The following C1orf87 variants were observed in gnomAD, a reference collection of about 807,000 sequenced individuals.
C1orf87 encodes chromosome 1 open reading frame 87.
In C1orf87, 58 loss-of-function variants were observed where a neutral mutation model predicts 60.5. That is an observed-to-expected ratio of 0.96 (90% CI 0.78 to 1.19). The LOEUF is 1.19. Among genes scored for constraint, C1orf87 ranks in the 50% most tolerant of loss-of-function variants. The pLI, the probability that C1orf87 is intolerant of heterozygous loss-of-function variation, is 0.00. For missense variants in C1orf87, 673 were observed against 638.6 expected, an observed-to-expected ratio of 1.05 and a Z score of -0.58; for synonymous variants, 236 against 227.4, an observed-to-expected ratio of 1.04 and a Z score of -0.34.
At chr1:60,059,863 T>A (rs1489264666) in intron 2 of C1orf87, among the ~76,000 whole-genome samples, 1 of 152,172 alleles carries the variant, frequency 6.6e-6, no homozygotes, top group Non-Finnish European at 1.5e-5. Flanking sequence ...TGAATGGGGA[T>A]CTAATTTCAG....
chr1:60,001,093 CT>C lies in C1orf87; in HGVS notation c.1255del (p.Ser419AlafsTer6). On this transcript the variant is annotated frameshift_variant, in exon 10 of 12. Transcript: ENST00000371201. LOFTEE classifies it high-confidence loss of function. ...MEPEVPEMSQ[S>X]KTEHMKTPEE... ...GGTGCATACCATATGTTCAGTTTTGCTTTGAGACATCTCGGGGACTTCAGGC... is the reference window on the plus strand; with the variant it reads ...GGTGCATACCATATGTTCAGTTTTGCTTGAGACATCTCGGGGACTTCAGGC... The C allele has an allele frequency of 6.2e-7, 1 of 1,608,930 alleles. No homozygotes were observed. The highest frequency in any genetic ancestry group is 1.7e-4 in the Middle Eastern group (1 of 6,016).
At chr1:59,994,687 C>T (rs745737456) in intron 11 of C1orf87, among the ~76,000 whole-genome samples, 8 of 152,074 alleles carry the variant, frequency 5.3e-5, no homozygotes, top group Non-Finnish European at 1.0e-4. Flanking sequence ...CCCTTCTCCT[C>T]AAGGCTATTT....
chr1:60,001,187 G>A, intron 9 of C1orf87, 31 bp from the exon 10 acceptor site: 1 of 1,459,224 alleles, frequency 6.9e-7, no homozygotes. Flanking sequence ...AAAAAGGAAG[G>A]GTTTAGCTTG....
intron 9 of C1orf87, among the ~76,000 whole-genome samples, chr1:60,008,141 G>A (rs1645058978): frequency 6.6e-6 from 1 of 152,006 alleles, no homozygotes; most frequent in Admixed American, 6.6e-5. Context: ...CAATGCAACA[G>A]CAACACTACC....
chr1:60,072,961 T>A (rs1477200097), intron 1 of C1orf87, among the ~76,000 whole-genome samples: 1 of 152,334 alleles, frequency 6.6e-6, no homozygotes, highest in Admixed American at 6.5e-5. Context: ...GTACAGCAGA[T>A]CTACTGAATC....
At chr1:60,062,550 T>G (rs560509149) in intron 2 of C1orf87, among the ~76,000 whole-genome samples, 2 of 152,200 alleles carry the variant, frequency 1.3e-5, no homozygotes, top group Non-Finnish European at 2.9e-5. Flanking sequence ...AAATAATGTC[T>G]CATTACTGTT....
chr1:60,035,208 C>A (rs1355659187), intron 6 of C1orf87, among the ~76,000 whole-genome samples: 1 of 152,188 alleles, frequency 6.6e-6, no homozygotes, highest in Non-Finnish European at 1.5e-5. Context: ...CAAACACTGT[C>A]AATCAGACAT....
At chr1:60,023,173 TA>T (rs1645175453) in intron 8 of C1orf87, among the ~76,000 whole-genome samples, 1 of 152,200 alleles carries the variant, frequency 6.6e-6, no homozygotes, top group Admixed American at 6.5e-5. Flanking sequence ...TTGCATGGTT[TA>T]TTTCAAATTT....
intron 9 of C1orf87, among the ~76,000 whole-genome samples, chr1:60,006,733 T>C (rs1371351920): frequency 6.6e-6 from 1 of 152,094 alleles, no homozygotes; most frequent in Non-Finnish European, 1.5e-5. Flanking sequence ...AAGCTCTTTT[T>C]ATATGTGTCT....
chr1:59,992,747 T>C (rs1008385009), intron 11 of C1orf87, among the ~76,000 whole-genome samples: 49 of 152,220 alleles, frequency 3.2e-4, no homozygotes, highest in Non-Finnish European at 4.4e-5. Context: ...AGTACTATTG[T>C]GCATGGTGCC....
intron 11 of C1orf87, among the ~76,000 whole-genome samples, chr1:59,996,798 A>T (rs1346268796): frequency 6.6e-6 from 1 of 152,142 alleles, no homozygotes; most frequent in Non-Finnish European, 1.5e-5. Flanking sequence ...ATCACCATCT[A>T]TCTTGGATTT....
chr1:60,035,444 C>T (rs1645269099), intron 6 of C1orf87, among the ~76,000 whole-genome samples: 1 of 152,254 alleles, frequency 6.6e-6, no homozygotes, highest in East Asian at 1.9e-4. Context: ...CTGTTGCCAC[C>T]CCTACTGCCA....
At chr1:60,071,553 T>TA (rs1165028328) in intron 2 of C1orf87, among the ~76,000 whole-genome samples, 3 of 152,206 alleles carry the variant, frequency 2.0e-5, no homozygotes, top group African/African-American at 7.2e-5. Context: ...GGAATCCCTC[T>TA]AGACCTTACA....
chr1:60,000,610 C>T (rs1182174433), intron 10 of C1orf87, among the ~76,000 whole-genome samples: 1 of 152,002 alleles, frequency 6.6e-6, no homozygotes, highest in African/African-American at 2.4e-5. Context: ...AACTGCTTGC[C>T]AGATTTTTTT....
chr1:60,047,071 T>C (rs1645377212), intron 3 of C1orf87, among the ~76,000 whole-genome samples: 2 of 152,202 alleles, frequency 1.3e-5, no homozygotes, highest in South Asian at 4.1e-4. Flanking sequence ...TTCGTTTTCA[T>C]TAGGGCTTTG....
intron 2 of C1orf87, among the ~76,000 whole-genome samples, chr1:60,065,708 A>C (rs973068578): frequency 6.6e-6 from 1 of 152,154 alleles, no homozygotes; most frequent in Non-Finnish European, 1.5e-5. Flanking sequence ...TTTAACACTT[A>C]AAGGAGTTTA....
chr1:60,046,253 TTCC>T (rs1480921868), intron 3 of C1orf87, among the ~76,000 whole-genome samples: 1 of 134,362 alleles, frequency 7.4e-6, no homozygotes, highest in Non-Finnish European at 1.6e-5. Context: ...CTTCCTTCCC[TTCC>T]TTTCTTTCTT....
At position 60,064,098 on chromosome 1, in the gene C1orf87, T is replaced by C. The variant is rs537735322; in HGVS notation, c.107+8439A>G. The stretch of plus-strand genomic sequence containing the variant: ...AGCCTCCCAGCCTACATCTTTCTCC[T>C]GTGCTGGATGCTTCCTGACCTCCAA... On this transcript the variant is annotated intron_variant, in intron 2 of 11. Transcript: ENST00000371201. Among the ~76,000 whole-genome samples the C allele has an allele frequency of 2.0e-5, 3 of 151,798 alleles. No homozygotes were observed. In the East Asian group the frequency reaches 5.8e-4, roughly 30 times the overall value.
intron 2 of C1orf87, among the ~76,000 whole-genome samples, chr1:60,065,874 G>A (rs1473653756): frequency 6.6e-6 from 1 of 152,080 alleles, no homozygotes; most frequent in East Asian, 1.9e-4. Context: ...TCAGTGATTT[G>A]TGGTTTAGTT....
Sources: gnomAD v4.1 joint callset for allele counts (sites outside exome capture counted in the v4.1 genomes callset) on GRCh38, gnomAD v4.1.1 for gene constraint, MANE v1.5 for transcripts, NCBI Gene and HGNC (gene_info 2026-07-23, HGNC 2026-07-21) for gene names.